TTLL7: variants seen among roughly 807,000 people sequenced by gnomAD.
TTLL7 encodes tubulin polyglutamylase TTLL7.
In TTLL7, 53 loss-of-function variants were observed where a neutral mutation model predicts 120.2. The observed-to-expected ratio is 0.44, with a 90% confidence interval of 0.35 to 0.55. The LOEUF is 0.55. TTLL7 is among the 20% of genes least tolerant of loss of function. The pLI is 0.00. For missense variants in TTLL7, 803 were observed against 1,054.7 expected, an observed-to-expected ratio of 0.76 and a Z score of 3.31; for synonymous variants, 353 against 351.7, an observed-to-expected ratio of 1.00 and a Z score of -0.04.
Position 83,966,093 on chromosome 1 carries a change from C to T in TTLL7, c.-176-13706G>A, listed in dbSNP as rs72936289. ...TGTTGCTTTGAAGATACTTTGTAGA[C>T]GAAATTAACATTTAAATCAGTAAAC... is the stretch of plus-strand genomic sequence containing the variant. On this transcript the variant is annotated intron_variant, in intron 1 of 20. Coordinates refer to ENST00000260505, the MANE Select transcript of TTLL7 (RefSeq NM_024686.6). 6.3e-3 allele frequency among the ~76,000 whole-genome samples: 954 copies of T among 152,160 alleles called. 16 individuals are homozygous for T. Among genetic ancestry groups the T allele is most frequent in the African/African-American group, 0.021 (860 of 41,512 alleles).
At chr1:83,892,699 TATATGAAC>T (rs1426944474) in intron 18 of TTLL7, among the ~76,000 whole-genome samples, 6 of 149,952 alleles carry the variant, frequency 4.0e-5, no homozygotes, top group Non-Finnish European at 7.4e-5. Context: ...TATGAACATA[TATATGAAC>T]ATATGAACAT....
chr1:83,871,234 T>C (rs1653362445), intron 20 of TTLL7, among the ~76,000 whole-genome samples: 1 of 152,030 alleles, frequency 6.6e-6, no homozygotes, highest in Admixed American at 6.6e-5. Context: ...TTAGCCAGGA[T>C]GGTCTCAAAT....
At chr1:83,933,051 C>T (rs1330140383) in intron 9 of TTLL7, among the ~76,000 whole-genome samples, 1 of 152,106 alleles carries the variant, frequency 6.6e-6, no homozygotes, top group Non-Finnish European at 1.5e-5. Flanking sequence ...TAACTCTCAC[C>T]CTACCAGGGA....
chr1:83,923,575 G>T (rs909872931), intron 10 of TTLL7, among the ~76,000 whole-genome samples: 1 of 152,020 alleles, frequency 6.6e-6, no homozygotes, highest in Non-Finnish European at 1.5e-5. Context: ...TAAGCACATA[G>T]AAGTTCCTTC....
intron 7 of TTLL7, among the ~76,000 whole-genome samples, chr1:83,942,234 A>C (rs891815077): frequency 2.0e-5 from 3 of 152,180 alleles, no homozygotes; most frequent in African/African-American, 7.2e-5. Context: ...GCATCCAGAG[A>C]GGGTAATTTT....
rs115823562 is a variant in TTLL7 at position 83,957,634 on chromosome 1, G to C, written c.-176-5247C>G. Among the ~76,000 whole-genome samples, 689 of 152,272 alleles carry C rather than the reference G, an allele frequency of 4.5e-3. 10 individuals carry two copies. The highest frequency in any genetic ancestry group is 0.016 in the African/African-American group (658 of 41,552). On this transcript the variant is annotated intron_variant, in intron 1 of 20. Transcript: ENST00000260505. ...CACATCTAATAGGTTGAAGTGGTTT[G>C]TGGCTTCTACCTATTAGAAGAAGTA...
chr1:83,928,882 C>G (rs1050948960), intron 10 of TTLL7, among the ~76,000 whole-genome samples: 1 of 151,060 alleles, frequency 6.6e-6, no homozygotes, highest in Non-Finnish European at 1.5e-5. Flanking sequence ...GCAGGAAAAG[C>G]AGTATACAGG....
intron 1 of TTLL7, chr1:83,979,323 C>G (rs531458723): frequency 6.6e-6 from 1 of 152,102 alleles, no homozygotes; most frequent in African/African-American, 2.4e-5. Context: ...AGTCTGCCTC[C>G]GGGTGGAGGC....
intron 7 of TTLL7, among the ~76,000 whole-genome samples, chr1:83,938,967 A>T (rs895772351): frequency 1.3e-5 from 2 of 152,188 alleles, no homozygotes; most frequent in Non-Finnish European, 2.9e-5. Flanking sequence ...TATGGTATTG[A>T]AATTTTTGAA....
chr1:83,897,264 T>C (rs187321562), intron 18 of TTLL7, among the ~76,000 whole-genome samples: 1 of 152,204 alleles, frequency 6.6e-6, no homozygotes, highest in Non-Finnish European at 1.5e-5. Flanking sequence ...TAAATGGAAT[T>C]AAGATACTTA....
chr1:83,917,548 A>G, intron 14 of TTLL7, 56 bp downstream of exon 14: 1 of 1,268,246 alleles, frequency 7.9e-7, no homozygotes, highest in Non-Finnish European at 1.1e-6. Context: ...AGTGAGAAGT[A>G]TCAAGGGCTA....
intron 20 of TTLL7, among the ~76,000 whole-genome samples, chr1:83,871,853 TG>T (rs1430347879): frequency 5.2e-5 from 7 of 135,432 alleles, no homozygotes; most frequent in Non-Finnish European, 1.1e-4. Context: ...GCCGAGATCG[TG>T]CCACTGCACT....
rs753280991 is a variant in TTLL7, at chr1:83,951,840, C to G, written c.157+5G>C. 1 of 1,604,026 alleles carries G rather than the reference C, an allele frequency of 6.2e-7. No homozygotes were observed. The highest frequency in any genetic ancestry group is 8.5e-7 in the Non-Finnish European group (1 of 1,177,162). On this transcript the variant is annotated splice_donor_5th_base_variant and intron_variant, in intron 3 of 20. Coordinates refer to ENST00000260505, the MANE Select transcript of TTLL7 (RefSeq NM_024686.6). The stretch of plus-strand genomic sequence containing the variant: ...AATCCCATGATTGCTTCTAAGGAAA[C>G]CTACCAATTTCAAACTTTGTCCCGG...
chr1:83,958,649 T>C (rs1038288690), intron 1 of TTLL7, among the ~76,000 whole-genome samples: 2 of 152,244 alleles, frequency 1.3e-5, no homozygotes, highest in Non-Finnish European at 2.9e-5. Context: ...ATTTGATATA[T>C]GCTTTCTCTT....
At chr1:83,890,118 T>C (rs981841546) in intron 19 of TTLL7, among the ~76,000 whole-genome samples, 1 of 152,076 alleles carries the variant, frequency 6.6e-6, no homozygotes, top group African/African-American at 2.4e-5. Flanking sequence ...CGAATTCAAA[T>C]TAATTAGGTG....
At chr1:83,967,147 C>G (rs1197686235) in intron 1 of TTLL7, among the ~76,000 whole-genome samples, 3 of 152,000 alleles carry the variant, frequency 2.0e-5, no homozygotes, top group African/African-American at 7.3e-5. Context: ...AGCACTGTTG[C>G]ATAGTTGAAT....
At chr1:83,890,796 A>G (rs913618045) in intron 18 of TTLL7, among the ~76,000 whole-genome samples, 4 of 152,152 alleles carry the variant, frequency 2.6e-5, no homozygotes, top group African/African-American at 7.2e-5. Context: ...CATAGAACAA[A>G]AAGTCTAGAA....
At chr1:83,987,843 G>GA (rs1652618061) in intron 1 of TTLL7, among the ~76,000 whole-genome samples, 2 of 151,970 alleles carry the variant, frequency 1.3e-5, no homozygotes, top group African/African-American at 4.8e-5. Flanking sequence ...AACTCAACAA[G>GA]AAAAAATCAA....
rs17855096 is a variant in TTLL7 at position 83,907,630 on chromosome 1, C to A, written c.1818G>T (p.Arg606=). 6.2e-7 allele frequency: 1 copy of A among 1,612,906 alleles called. No homozygotes were observed. Among genetic ancestry groups the A allele is most frequent in the Non-Finnish European group, 8.5e-7 (1 of 1,179,428 alleles). ...TGGAAGGTGATTGAGCAGAGATGGA[C>A]CGAGGGCAGCTGACTGAACGTCTTA... is the stretch of plus-strand genomic sequence containing the variant. The part of the protein sequence containing the change: ...SSIRRSVSCP[R]SISAQSPSSG... The change falls in exon 16 of 21, where the codon CGG becomes CGT. Residue 606 remains arginine (R), a synonymous_variant. Transcript: ENST00000260505.
Sources: allele counts gnomAD v4.1 joint callset (sites outside exome capture counted in the v4.1 genomes callset), GRCh38; gene constraint gnomAD v4.1.1; transcripts MANE v1.5; gene names NCBI Gene and HGNC (gene_info 2026-07-23, HGNC 2026-07-21).